Variants in MUTYH observed in about 807,000 individuals in gnomAD.
MUTYH encodes mutY DNA glycosylase.
In MUTYH, 64 loss-of-function variants were observed where a neutral mutation model predicts 72.9. The observed-to-expected ratio is 0.88, with a 90% CI of 0.72 to 1.08. The LOEUF (loss-of-function observed/expected upper bound fraction) is 1.08, where lower values mean the gene tolerates loss of function less well. Ranked by LOEUF, MUTYH falls within the 50% of genes least tolerant of loss-of-function variation. MUTYH has a pLI of 0.00. For synonymous variants in MUTYH, 234 were observed against 263.1 expected (o/e 0.89, Z 1.07); for missense variants, 633 against 671.0 (o/e 0.94, Z 0.63).
intron 1 of MUTYH, among the ~76,000 whole-genome samples, chr1:45,335,027 G>A (rs1645670526): frequency 6.6e-6 from 1 of 152,190 alleles, no homozygotes; most frequent in African/African-American, 2.4e-5. Flanking sequence ...TGGCAAATCA[G>A]TGGGAGAACA....
chr1:45,339,055 G>A (rs1024675131), intron 1 of MUTYH, among the ~76,000 whole-genome samples: 1 of 152,044 alleles, frequency 6.6e-6, no homozygotes, highest in African/African-American at 2.4e-5. Context: ...AAGCCACTGC[G>A]CCCGGCCCAA....
intron 1 of MUTYH, among the ~76,000 whole-genome samples, chr1:45,337,662 A>C (rs566134681): frequency 6.6e-6 from 1 of 152,246 alleles, no homozygotes; most frequent in African/African-American, 2.4e-5. Flanking sequence ...GCTTGAGCCC[A>C]GAAGGTCGAG....
intron 14 of MUTYH, among the ~76,000 whole-genome samples, chr1:45,330,859 C>T (rs1240198873): frequency 2.0e-5 from 3 of 151,368 alleles, no homozygotes; most frequent in African/African-American, 7.3e-5. Context: ...CTGAGGCGGG[C>T]GGATCACTTG....
At chr1:45,338,238 G>A (rs1327744810) in intron 1 of MUTYH, 5 of 532,258 alleles carry the variant, frequency 9.4e-6, no homozygotes, top group Non-Finnish European at 1.8e-5. Context: ...TTAGAAGGCA[G>A]TCCTCTTACT....
At chr1:45,340,351 A>T, upstream of MUTYH, 1 of 1,587,032 alleles carries the variant, frequency 6.3e-7, no homozygotes, top group Non-Finnish European at 8.6e-7. Context: ...GCGCTCTGGG[A>T]GAGGGGAAGG....
In MUTYH at chr1:45,332,486, T is replaced by C. The variant is rs908344724; in HGVS notation, c.609A>G (p.Ala203=). The C allele has an allele frequency of 1.9e-6, 3 of 1,613,974 alleles. No homozygotes were observed. In the African/African-American group the frequency reaches 4.0e-5, roughly 22 times the overall value. ...CTACGTTGCCATCCACCACACCGGT[T>C]GCCTGGCACAGAGGGGCCAAAGAGT... The part of the protein sequence containing the change: ...GAIASIAFGQ[A]TGVVDGNVAR... The change falls in exon 9 of 16, where the codon GCA becomes GCG. Residue 203 remains alanine, a splice_region_variant and synonymous_variant. Transcript: ENST00000456914.
upstream of MUTYH, chr1:45,340,353 A>G (rs779554903): frequency 6.3e-7 from 1 of 1,584,948 alleles, no homozygotes; most frequent in African/African-American, 1.4e-5. Context: ...GCTCTGGGAG[A>G]GGGGAAGGCC....
intron 11 of MUTYH, 63 bp from the exon 12 acceptor site, chr1:45,331,912 G>A: frequency 6.2e-7 from 1 of 1,610,246 alleles, no homozygotes; most frequent in Non-Finnish European, 8.5e-7. Flanking sequence ...AACCTAGAGA[G>A]TGGGCTTTGG....
chr1:45,338,282 C>A, intron 1 of MUTYH: 1 of 533,328 alleles, frequency 1.9e-6, no homozygotes, highest in South Asian at 1.5e-5. Flanking sequence ...CGGGCACCAT[C>A]CGCCTCATCC....
intron 1 of MUTYH, among the ~76,000 whole-genome samples, chr1:45,336,706 C>A (rs1645952666): frequency 6.6e-6 from 1 of 152,160 alleles, no homozygotes. Context: ...TCAGACTCAG[C>A]CTGTCTGCAC....
In MUTYH at chr1:45,332,488, C is replaced by T. The variant is rs2149146140; in HGVS notation, c.607G>A (p.Ala203Thr). The change falls in exon 9 of 16, where the codon GCA (alanine) becomes ACA (threonine). Residue 203 changes from alanine (A) to threonine (T), a missense_variant and splice_region_variant. Transcript: ENST00000456914. ...GAIASIAFGQ[A>T]TGVVDGNVAR... is the part of the protein sequence containing the mutation. ...ACGTTGCCATCCACCACACCGGTTG[C>T]CTGGCACAGAGGGGCCAAAGAGTTA... 2 of 1,614,088 alleles carry T rather than the reference C, an allele frequency of 1.2e-6. No individual in the cohort carries two copies. Among genetic ancestry groups the T allele is most frequent in the South Asian group, 1.1e-5 (1 of 91,084 alleles).
At position 45,330,506 on chromosome 1, in the gene MUTYH, G is replaced by A; in HGVS notation, c.1434+10C>T. 1 of 1,608,086 alleles carries A rather than the reference G, an allele frequency of 6.2e-7. No homozygotes were observed. The highest frequency in any genetic ancestry group is 1.7e-5 in the Admixed American group (1 of 59,312). On this transcript the variant is annotated intron_variant, in intron 15 of 15. Coordinates refer to ENST00000456914, the MANE Select transcript of MUTYH (RefSeq NM_001048174.2). ...GGGAGACACGGTTGGGAGAGGCCTA[G>A]GAGACTTACCATACAGGTCCCTGGC...
At position 45,329,307 on chromosome 1, in the gene MUTYH, C is replaced by G. The variant is rs1308516608; in HGVS notation, c.1565G>C (p.Ter522SerextTer3). 1.2e-6 allele frequency: 2 copies of G among 1,614,086 alleles called. No individual in the cohort carries two copies. The highest frequency in any genetic ancestry group is 2.7e-5 in the African/African-American group (2 of 74,914). The change falls in exon 16 of 16, where the codon TGA (stop) becomes TCA (serine). Residue 522 changes from the stop codon to serine (S), a stop_lost. Transcript: ENST00000456914. ...DAHSLNSAAQ[*>S] is the part of the protein sequence containing the mutation. ...AGGGAATGGGGGCTTTCAGAGGTGT[C>G]ACTGGGCTGCACTGTTGAGGCTGTG...
chr1:45,339,131 G>A (rs1214630203), intron 1 of MUTYH, among the ~76,000 whole-genome samples: 3 of 150,976 alleles, frequency 2.0e-5, no homozygotes, highest in African/African-American at 7.3e-5. Flanking sequence ...TAAACAATGA[G>A]TAACAAAGGA....
intron 2 of MUTYH, 38 bp from the exon 3 acceptor site, chr1:45,333,599 A>G: frequency 6.2e-7 from 1 of 1,607,318 alleles, no homozygotes; most frequent in Non-Finnish European, 8.5e-7. Context: ...TCATCCCTGC[A>G]CAGGCTGTGC....
intron 2 of MUTYH, chr1:45,334,175 G>A (rs973917686): frequency 1.4e-5 from 8 of 573,542 alleles, no homozygotes; most frequent in Non-Finnish European, 2.2e-5. Flanking sequence ...CGAGCATAGA[G>A]AGGGGATTTC....
Position 45,331,194 on chromosome 1 carries a change from G to A in MUTYH, c.1380C>T (p.Thr460=), listed in dbSNP as rs373973053. 10 of 1,614,062 alleles carry A rather than the reference G, an allele frequency of 6.2e-6. No individual in the cohort carries two copies. The Admixed American group carries it at 6.7e-5, about 11-fold the overall frequency. Reference sequence around the variant, plus strand: ...ACAAAGGTAGTGCCTTTTTCATGGCGGTGGAAACAGCTGCGGTGTGAAATT... The same window carrying A: ...ACAAAGGTAGTGCCTTTTTCATGGCAGTGGAAACAGCTGCGGTGTGAAATT... The part of the protein sequence containing the change: ...QEEFHTAAVS[T]AMKKVFRVYQ... Residue 460 remains threonine (T), a synonymous_variant, in exon 14 of 16, where the codon ACC becomes ACT. Coordinates refer to ENST00000456914, the MANE Select transcript of MUTYH (RefSeq NM_001048174.2).
At position 45,333,516 on chromosome 1, in the gene MUTYH, G is replaced by T. The variant is rs876658645; in HGVS notation, c.161C>A (p.Ser54Tyr). The T allele has an allele frequency of 1.9e-5, 30 of 1,614,094 alleles. No homozygotes were observed. Among genetic ancestry groups the T allele is most frequent in the Non-Finnish European group, 2.3e-5 (27 of 1,180,032 alleles). The stretch of plus-strand genomic sequence containing the variant: ...TACGTCTCTGAATAGATGGTATGAG[G>T]AGACAGAGGCCTGCAATACCACCTC... ...PEEVVLQASVSSYHLFRDVAE... is the reference protein window; with the variant it reads ...PEEVVLQASVYSYHLFRDVAE... Residue 54 changes from serine (S) to tyrosine (Y), a missense_variant, in exon 3 of 16, where the codon TCC becomes TAC. Physicochemically the swap from Ser to Tyr is moderately radical, Grantham distance 144 (BLOSUM62 -2). Coordinates refer to ENST00000456914, the MANE Select transcript of MUTYH (RefSeq NM_001048174.2).
chr1:45,333,124 C>G lies in MUTYH; in HGVS notation c.351G>C (p.Val117=). 1 of 1,614,190 alleles carries G rather than the reference C, an allele frequency of 6.2e-7. No individual in the cohort carries two copies. Among genetic ancestry groups the G allele is most frequent in the South Asian group, 1.1e-5 (1 of 91,078 alleles). ...GCATCCATCCGGTATAGTAGTTGAT[C>G]ACAGTGGCAACCTGGGTCTGCTGCA... ...VMLQQTQVAT[V]INYYTGWMQK... The change falls in exon 5 of 16, where the codon GTG becomes GTC. Residue 117 remains valine (V), a synonymous_variant. Transcript: ENST00000456914.
Sources: gnomAD v4.1 joint callset for allele counts (sites outside exome capture counted in the v4.1 genomes callset) on GRCh38, gnomAD v4.1.1 for gene constraint, MANE v1.5 for transcripts, NCBI Gene and HGNC (gene_info 2026-07-23, HGNC 2026-07-21) for gene names.